Variants in HS3ST3A1 observed in about 807,000 individuals in gnomAD.
HS3ST3A1 encodes the protein heparan sulfate-glucosamine 3-sulfotransferase 3A1.
HS3ST3A1 carries 19 observed loss-of-function variants against 25.7 expected under a neutral mutation model. The ratio of observed to expected loss-of-function variants is 0.74; its 90% CI spans 0.52 to 1.08. The LOEUF (loss-of-function observed/expected upper bound fraction) is 1.08, where lower values mean the gene tolerates loss of function less well. Ranked by LOEUF, HS3ST3A1 falls within the 50% of genes least tolerant of loss-of-function variation. HS3ST3A1 has a pLI of 0.00. For missense variants in HS3ST3A1, 459 were observed against 594.3 expected (o/e 0.77, Z 2.37); for synonymous variants, 226 against 278.6 (o/e 0.81, Z 1.88).
chr17:13,550,863 T>G (rs1314084255), intron 1 of HS3ST3A1, among the ~76,000 whole-genome samples: 1 of 152,064 alleles, frequency 6.6e-6, no homozygotes, highest in Non-Finnish European at 1.5e-5. Flanking sequence ...TGTCCGAAGA[T>G]CGAGACCATC....
At chr17:13,569,599 C>CT (rs1567626164) in intron 1 of HS3ST3A1, among the ~76,000 whole-genome samples, 1 of 152,160 alleles carries the variant, frequency 6.6e-6, no homozygotes, top group Admixed American at 6.5e-5. Flanking sequence ...GTCCCCCAGC[C>CT]ATGCCCTGCC....
intron 1 of HS3ST3A1, among the ~76,000 whole-genome samples, chr17:13,587,588 T>C (rs1225796181): frequency 6.6e-6 from 1 of 152,190 alleles, no homozygotes; most frequent in African/African-American, 2.4e-5. Context: ...ACAATGAAAG[T>C]GACCTCACTG....
At chr17:13,551,094 C>T (rs1212795252) in intron 1 of HS3ST3A1, among the ~76,000 whole-genome samples, 1 of 134,330 alleles carries the variant, frequency 7.4e-6, no homozygotes, top group Non-Finnish European at 1.6e-5. Flanking sequence ...GAAATCAATT[C>T]AAAAAAATCT....
chr17:13,600,328 A>G (rs1908684861), intron 1 of HS3ST3A1, among the ~76,000 whole-genome samples: 2 of 152,214 alleles, frequency 1.3e-5, no homozygotes, highest in African/African-American at 4.8e-5. Flanking sequence ...TATGAAGGCC[A>G]GAATTTCCCT....
intron 1 of HS3ST3A1, among the ~76,000 whole-genome samples, chr17:13,578,357 G>T (rs996238743): frequency 6.7e-6 from 1 of 148,852 alleles, no homozygotes; most frequent in African/African-American, 2.5e-5. Context: ...AGACCAGCCC[G>T]GCCAACACGG....
chr17:13,588,538 T>TA (rs1272246089), intron 1 of HS3ST3A1, among the ~76,000 whole-genome samples: 2 of 152,188 alleles, frequency 1.3e-5, no homozygotes, highest in Non-Finnish European at 2.9e-5. Flanking sequence ...GGATCCACTA[T>TA]AGCAAATACA....
At chr17:13,547,374 A>G (rs1907119754) in intron 1 of HS3ST3A1, among the ~76,000 whole-genome samples, 1 of 152,038 alleles carries the variant, frequency 6.6e-6, no homozygotes, top group East Asian at 1.9e-4. Flanking sequence ...AGACCAACGC[A>G]CCATTAGGGA....
intron 1 of HS3ST3A1, among the ~76,000 whole-genome samples, chr17:13,520,471 C>T (rs1027122558): frequency 1.3e-5 from 2 of 152,134 alleles, no homozygotes; most frequent in Admixed American, 6.5e-5. Flanking sequence ...TTACATCAAC[C>T]GAATAGGAAC....
intron 1 of HS3ST3A1, among the ~76,000 whole-genome samples, chr17:13,513,152 G>A (rs1905932546): frequency 6.6e-6 from 1 of 152,188 alleles, no homozygotes; most frequent in South Asian, 2.1e-4. Context: ...AGGAAAACAA[G>A]GCCGGCAGAC....
chr17:13,498,436 G>A (rs1435978292), intron 1 of HS3ST3A1, among the ~76,000 whole-genome samples: 1 of 152,156 alleles, frequency 6.6e-6, no homozygotes, highest in African/African-American at 2.4e-5. Flanking sequence ...CCCCAAGGCA[G>A]GTCATACAGA....
chr17:13,574,880 G>A (rs182384819), intron 1 of HS3ST3A1, among the ~76,000 whole-genome samples: 2 of 152,124 alleles, frequency 1.3e-5, no homozygotes. Context: ...CCTTGCAAGG[G>A]GGGTCTGCTT....
intron 1 of HS3ST3A1, 136 bp from the exon 2 acceptor site, chr17:13,496,954 G>T (rs890683425): frequency 1.7e-6 from 2 of 1,190,444 alleles, no homozygotes; most frequent in Non-Finnish European, 2.3e-6. Context: ...TGATGGTGAC[G>T]TCGCACAACG....
intron 1 of HS3ST3A1, among the ~76,000 whole-genome samples, chr17:13,540,705 T>C (rs1036855049): frequency 3.9e-5 from 6 of 152,228 alleles, no homozygotes; most frequent in Non-Finnish European, 7.3e-5. Context: ...CTGTGGTTCA[T>C]TGAGCGAACT....
chr17:13,566,998 TAGA>T (rs1202683120), intron 1 of HS3ST3A1, among the ~76,000 whole-genome samples: 1 of 152,238 alleles, frequency 6.6e-6, no homozygotes, highest in Non-Finnish European at 1.5e-5. Context: ...ACGTGGAAGA[TAGA>T]AGAAGATGCC....
At chr17:13,505,660 G>A (rs577418605) in intron 1 of HS3ST3A1, among the ~76,000 whole-genome samples, 3 of 151,828 alleles carry the variant, frequency 2.0e-5, no homozygotes, top group East Asian at 1.9e-4. Flanking sequence ...AAAAAAAGGC[G>A]GAAAAGAATA....
At chr17:13,531,018 G>A (rs903915203) in intron 1 of HS3ST3A1, among the ~76,000 whole-genome samples, 5 of 152,094 alleles carry the variant, frequency 3.3e-5, no homozygotes, top group African/African-American at 1.2e-4. Flanking sequence ...CCATTTGATT[G>A]GGTCAAGCAA....
chr17:13,565,468 G>C (rs1358024946), intron 1 of HS3ST3A1, among the ~76,000 whole-genome samples: 2 of 152,278 alleles, frequency 1.3e-5, no homozygotes, highest in East Asian at 3.9e-4. Context: ...GGAGGTCAAG[G>C]CTGCAGTGAG....
chr17:13,539,714 C>T (rs903521904), intron 1 of HS3ST3A1, among the ~76,000 whole-genome samples: 4 of 137,600 alleles, frequency 2.9e-5, no homozygotes, highest in East Asian at 4.1e-4. Context: ...TTCCTCAATT[C>T]GAAAGAGACG....
chr17:13,579,032 C>A (rs1386680398), intron 1 of HS3ST3A1, among the ~76,000 whole-genome samples: 1 of 151,950 alleles, frequency 6.6e-6, no homozygotes. Context: ...TTTAAATTCC[C>A]AGATGCCTAG....
Sources: gnomAD v4.1 joint callset for allele counts (sites outside exome capture counted in the v4.1 genomes callset) on GRCh38, gnomAD v4.1.1 for gene constraint, MANE v1.5 for transcripts, NCBI Gene and HGNC (gene_info 2026-07-23, HGNC 2026-07-21) for gene names.